ACVR1: variants seen among roughly 807,000 people sequenced by gnomAD.
ACVR1 encodes the protein activin A receptor type 1.
ACVR1 carries 38 observed loss-of-function variants against 57.1 expected under a neutral mutation model. The observed-to-expected ratio is 0.67, with a 90% CI of 0.51 to 0.87. ACVR1 has a LOEUF of 0.87. ACVR1 is among the 40% of genes least tolerant of loss of function. The pLI is 0.00. For synonymous variants in ACVR1, 212 were observed against 228.1 expected (o/e 0.93, Z 0.63); for missense variants, 463 against 638.2 (o/e 0.73, Z 2.96).
At chr2:157,817,978 G>A (rs1187670010) in intron 2 of ACVR1, among the ~76,000 whole-genome samples, 3 of 150,822 alleles carry the variant, frequency 2.0e-5, no homozygotes, top group African/African-American at 7.3e-5. Flanking sequence ...CTCCAGCCTA[G>A]GTGACAGAAC....
intron 1 of ACVR1, among the ~76,000 whole-genome samples, chr2:157,869,718 C>T (rs1045935733): frequency 6.6e-6 from 1 of 152,022 alleles, no homozygotes; most frequent in Non-Finnish European, 1.5e-5. Context: ...TTTACTAGGC[C>T]ATCCTCATAA....
At chr2:157,788,124 C>T (rs1481551530) in intron 3 of ACVR1, among the ~76,000 whole-genome samples, 1 of 152,170 alleles carries the variant, frequency 6.6e-6, no homozygotes, top group East Asian at 1.9e-4. Context: ...AATGTCCTGA[C>T]TTAGTTAAAC....
At chr2:157,840,606 T>A (rs894720539) in intron 1 of ACVR1, among the ~76,000 whole-genome samples, 1 of 152,248 alleles carries the variant, frequency 6.6e-6, no homozygotes, top group African/African-American at 2.4e-5. Flanking sequence ...GCTAAATTCA[T>A]GACCTGTTAT....
rs1202069664 is a variant in ACVR1 at position 157,876,063 on chromosome 2, AGCGGCAGCG to A, written c.-459_-451del. ...GCGGCTGGCCGAGGAGCAGGCTGGC[AGCGGCAGCG>A]GCGGCAGCGGCAGCCACCCGGGGGA... On this transcript the variant is annotated 5_prime_UTR_variant, in exon 1 of 11. Coordinates refer to ENST00000434821, the MANE Select transcript of ACVR1 (RefSeq NM_001111067.4). 6.6e-5 allele frequency among the ~76,000 whole-genome samples: 9 copies of A among 137,256 alleles called. No individual in the cohort carries two copies. Among genetic ancestry groups the A allele is most frequent in the Non-Finnish European group, 1.3e-4 (8 of 63,992 alleles). 90.0% of individuals were successfully genotyped at this position (137,256 alleles called of 152,430 possible).
chr2:157,756,705 G>A (rs1029816632), intron 9 of ACVR1, among the ~76,000 whole-genome samples: 2 of 151,996 alleles, frequency 1.3e-5, no homozygotes, highest in African/African-American at 2.4e-5. Flanking sequence ...TACACTGCTA[G>A]TGGGAACGTA....
intron 3 of ACVR1, among the ~76,000 whole-genome samples, chr2:157,798,735 C>G (rs1687212890): frequency 6.6e-6 from 1 of 151,960 alleles, no homozygotes; most frequent in Admixed American, 6.6e-5. Context: ...ACCATGTTGG[C>G]CAGGTTGGTC....
intron 1 of ACVR1, among the ~76,000 whole-genome samples, chr2:157,837,961 G>A (rs542951423): frequency 6.6e-6 from 1 of 152,290 alleles, no homozygotes; most frequent in East Asian, 1.9e-4. Flanking sequence ...GGCTTCCAGT[G>A]AGGACAGCAT....
intron 1 of ACVR1, among the ~76,000 whole-genome samples, chr2:157,825,929 C>A (rs1392171893): frequency 1.3e-5 from 2 of 152,180 alleles, no homozygotes; most frequent in Admixed American, 6.5e-5. Flanking sequence ...AATTAGATCG[C>A]CTTTCTGTCT....
chr2:157,752,819 T>C (rs2105238554), intron 9 of ACVR1, among the ~76,000 whole-genome samples: 1 of 152,294 alleles, frequency 6.6e-6, no homozygotes, highest in African/African-American at 2.4e-5. Flanking sequence ...AAACAAATCC[T>C]GGAAACATAT....
In ACVR1 at chr2:157,853,909, C is replaced by T. The variant is rs553200524; in HGVS notation, c.-183+21887G>A. ...CTTCTACTTATTCTTCAAGTCCTCA[C>T]TTAATATCTTCCAGGGTCAGAAGCT... On this transcript the variant is annotated intron_variant, in intron 1 of 10. Coordinates refer to ENST00000434821, the MANE Select transcript of ACVR1 (RefSeq NM_001111067.4). 3.9e-5 allele frequency among the ~76,000 whole-genome samples: 6 copies of T among 152,314 alleles called. No homozygotes were observed. In the East Asian group the frequency reaches 5.8e-4, roughly 15 times the overall value.
At chr2:157,832,287 C>T (rs1688608645) in intron 1 of ACVR1, among the ~76,000 whole-genome samples, 1 of 152,106 alleles carries the variant, frequency 6.6e-6, no homozygotes, top group Admixed American at 6.6e-5. Context: ...TAGTAAATGG[C>T]AGATAATTAA....
intron 1 of ACVR1, among the ~76,000 whole-genome samples, chr2:157,847,444 A>G (rs1689159535): frequency 6.6e-6 from 1 of 152,214 alleles, no homozygotes; most frequent in South Asian, 2.1e-4. Flanking sequence ...GTTTTACTCT[A>G]CAACAGAGAG....
chr2:157,786,991 A>G (rs1269286069), intron 3 of ACVR1, among the ~76,000 whole-genome samples: 2 of 152,148 alleles, frequency 1.3e-5, no homozygotes, highest in African/African-American at 2.4e-5. Context: ...GAAGGTGATA[A>G]GGATTCCTAA....
intron 9 of ACVR1, among the ~76,000 whole-genome samples, chr2:157,760,447 AAG>A (rs1429488100): frequency 6.6e-6 from 1 of 152,230 alleles, no homozygotes; most frequent in Non-Finnish European, 1.5e-5. Context: ...AAATAGCTAG[AAG>A]AGACTATTTG....
chr2:157,870,904 T>C (rs1486036606), intron 1 of ACVR1, among the ~76,000 whole-genome samples: 1 of 152,234 alleles, frequency 6.6e-6, no homozygotes, highest in Admixed American at 6.5e-5. Context: ...CGGACCACAG[T>C]GACTGGTATC....
At chr2:157,837,301 T>G (rs1559086238) in intron 1 of ACVR1, among the ~76,000 whole-genome samples, 1 of 152,168 alleles carries the variant, frequency 6.6e-6, no homozygotes, top group Non-Finnish European at 1.5e-5. Context: ...ATCGAAGGAT[T>G]TACCTGACCA....
chr2:157,875,416 G>A (rs1462142122), intron 1 of ACVR1: 1 of 153,176 alleles, frequency 6.5e-6, no homozygotes, highest in African/African-American at 2.4e-5. Flanking sequence ...AGCTCAGCTA[G>A]GAAGGTAAGC....
At chr2:157,871,260 A>C (rs1265182932) in intron 1 of ACVR1, among the ~76,000 whole-genome samples, 1 of 152,240 alleles carries the variant, frequency 6.6e-6, no homozygotes, top group Non-Finnish European at 1.5e-5. Flanking sequence ...GACTGTCGAA[A>C]GGCAAAATGG....
intron 1 of ACVR1, among the ~76,000 whole-genome samples, chr2:157,857,409 AAAG>A (rs953496534): frequency 8.6e-5 from 13 of 151,820 alleles, no homozygotes; most frequent in South Asian, 2.1e-4. Context: ...AAAAAAAAAA[AAAG>A]AAGAAGATAC....
Sources: gnomAD v4.1 joint callset for allele counts (sites outside exome capture counted in the v4.1 genomes callset) on GRCh38, gnomAD v4.1.1 for gene constraint, MANE v1.5 for transcripts, NCBI Gene and HGNC (gene_info 2026-07-23, HGNC 2026-07-21) for gene names.